Variants in TMEM63A observed in about 807,000 individuals in gnomAD.
TMEM63A encodes the protein mechanosensitive cation channel TMEM63A.
Under a neutral mutation model 100.6 loss-of-function variants are expected in TMEM63A, and 76 were observed. That is an observed-to-expected ratio of 0.76 (90% CI 0.63 to 0.91). The LOEUF (loss-of-function observed/expected upper bound fraction) is 0.91. Among genes scored for constraint, TMEM63A ranks in the 40% least tolerant of loss-of-function variants. The pLI is 0.00. For missense variants in TMEM63A, 876 were observed against 1,008.8 expected (o/e 0.87, Z 1.78); for synonymous variants, 401 against 401.1 (o/e 1.00, Z 0.00).
intron 6 of TMEM63A, among the ~76,000 whole-genome samples, 164 bp from the exon 7 acceptor site, chr1:225,868,194 A>C (rs1481551990): frequency 2.0e-5 from 3 of 152,172 alleles, no homozygotes; most frequent in Non-Finnish European, 4.4e-5. Context: ...AATTTGCATA[A>C]CTTTCAGGAT....
In TMEM63A at chr1:225,848,701, G is replaced by C. The variant is rs1669158646; in HGVS notation, c.2188-147C>G. ...GCAGCCCGAGAGAGGATGGGGTGGG[G>C]GAGTGCAGGGATGAGGGGAGGAAGG... On this transcript the variant is annotated intron_variant, in intron 22 of 24. Coordinates refer to ENST00000366835, the MANE Select transcript of TMEM63A (RefSeq NM_014698.3). The C allele has an allele frequency of 4.3e-6, 4 of 925,280 alleles. No homozygotes were observed. In the Admixed American group the frequency reaches 6.5e-5, roughly 15 times the overall value. 57.3% of individuals were successfully genotyped at this position (925,280 alleles called of 1,614,324 possible).
At chr1:225,869,226 C>A (rs1201174180) in intron 6 of TMEM63A, among the ~76,000 whole-genome samples, 1 of 152,200 alleles carries the variant, frequency 6.6e-6, no homozygotes, top group Non-Finnish European at 1.5e-5. Flanking sequence ...TTAGCAGGGG[C>A]TCAAGAGATA....
downstream of TMEM63A, among the ~76,000 whole-genome samples, chr1:225,841,665 G>A (rs558708324): frequency 5.0e-4 from 70 of 139,866 alleles, no homozygotes; most frequent in Admixed American, 2.3e-3. Context: ...GCAGTGGTAC[G>A]ATCTCGGCTC....
intron 15 of TMEM63A, among the ~76,000 whole-genome samples, chr1:225,858,948 ATGTGTG>A (rs57543496): frequency 0.21 from 29,589 of 139,456 alleles, 2,992 homozygotes; most frequent in South Asian, 0.26. Flanking sequence ...TATACATATA[ATGTGTG>A]TGTGTGTGTG....
At chr1:225,863,581 A>G (rs1421792175) in intron 10 of TMEM63A, among the ~76,000 whole-genome samples, 2 of 151,880 alleles carry the variant, frequency 1.3e-5, no homozygotes, top group African/African-American at 4.8e-5. Context: ...GGTCTAATGA[A>G]AGCAAAGGAC....
intron 15 of TMEM63A, among the ~76,000 whole-genome samples, chr1:225,858,064 G>C (rs1292533782): frequency 6.6e-6 from 1 of 152,184 alleles, no homozygotes; most frequent in Non-Finnish European, 1.5e-5. Context: ...CTGAGGTTCA[G>C]AATTCATCAG....
At chr1:225,875,618 G>A (rs1325578793) in intron 3 of TMEM63A, among the ~76,000 whole-genome samples, 1 of 152,132 alleles carries the variant, frequency 6.6e-6, no homozygotes, top group African/African-American at 2.4e-5. Context: ...GGAAAACCAC[G>A]AAACCTGCTC....
chr1:225,868,690 A>T (rs1263835950), intron 6 of TMEM63A, among the ~76,000 whole-genome samples: 3 of 151,436 alleles, frequency 2.0e-5, no homozygotes, highest in Non-Finnish European at 4.4e-5. Context: ...CCATCTCAAA[A>T]AAGAAAAAAA....
chr1:225,866,421 G>A (rs1670212561), intron 9 of TMEM63A, 153 bp downstream of exon 9: 20 of 637,120 alleles, frequency 3.1e-5, no homozygotes, highest in Non-Finnish European at 4.1e-5. Context: ...TAAAGATGGT[G>A]CCAAGTGTGA....
intron 6 of TMEM63A, among the ~76,000 whole-genome samples, chr1:225,868,951 G>A (rs557274463): frequency 5.8e-4 from 89 of 152,334 alleles, no homozygotes; most frequent in African/African-American, 2.1e-3. Flanking sequence ...AGACTTCTGT[G>A]CTACAGAGGG....
chr1:225,847,161 G>A lies in TMEM63A; in HGVS notation c.2303C>T (p.Ser768Phe). The A allele has an allele frequency of 6.2e-7, 1 of 1,613,190 alleles. No individual in the cohort carries two copies. Among genetic ancestry groups the A allele is most frequent in the South Asian group, 1.1e-5 (1 of 91,090 alleles). Residue 768 changes from serine to phenylalanine, a missense_variant, in exon 24 of 25, where the codon TCT becomes TTT. Around this residue, in one of 5 missense-constraint regions of TMEM63A, gnomAD observed 339 missense variants for 342.3 expected, o/e 0.99. Transcript: ENST00000366835. Reference protein sequence around the residue: ...NGLASERTALSPQQQQQQTYG... With the variant: ...NGLASERTALFPQQQQQQTYG... Reference sequence around the variant, plus strand: ...GGTCTGCTGCTGCTGCTGCTGCGGAGACAGTGCTGTCCTCTCCGAGGCCAA... The same window carrying A: ...GGTCTGCTGCTGCTGCTGCTGCGGAAACAGTGCTGTCCTCTCCGAGGCCAA...
Position 225,847,149 on chromosome 1 carries a change from TG to T in TMEM63A, c.2314del (p.Gln772SerfsTer58). The T allele has an allele frequency of 6.2e-7, 1 of 1,613,564 alleles. No individual in the cohort carries two copies. Among genetic ancestry groups the T allele is most frequent in the Non-Finnish European group, 8.5e-7 (1 of 1,180,026 alleles). The stretch of plus-strand genomic sequence containing the variant: ...GATGGCACCATAGGTCTGCTGCTGC[TG>T]CTGCTGCGGAGACAGTGCTGTCCTC... ...SERTALSPQQ[Q>X]QQQTYGAIHN... On this transcript the variant is annotated frameshift_variant, in exon 24 of 25. Coordinates refer to ENST00000366835, the MANE Select transcript of TMEM63A (RefSeq NM_014698.3). LOFTEE classifies it high-confidence loss of function.
intron 4 of TMEM63A, among the ~76,000 whole-genome samples, chr1:225,872,649 T>A (rs1475411305): frequency 6.6e-6 from 1 of 151,338 alleles, no homozygotes; most frequent in Non-Finnish European, 1.5e-5. Context: ...GCGCTATAAA[T>A]CTGAGGTGTT....
downstream of TMEM63A, chr1:225,845,382 A>C (rs4653695): frequency 0.12 from 161,565 of 1,352,544 alleles, 9,841 homozygotes; most frequent in Admixed American, 0.29. Flanking sequence ...ACCTCCCCCC[A>C]CAAGTGCCCT....
downstream of TMEM63A, among the ~76,000 whole-genome samples, chr1:225,844,136 TAG>T (rs1323275387): frequency 6.6e-6 from 1 of 152,100 alleles, no homozygotes; most frequent in Admixed American, 6.6e-5. Context: ...GTAAGGAGCT[TAG>T]AACATGCTGC....
At chr1:225,858,742 T>C (rs1669775164) in intron 15 of TMEM63A, among the ~76,000 whole-genome samples, 2 of 152,238 alleles carry the variant, frequency 1.3e-5, no homozygotes, top group Non-Finnish European at 1.5e-5. Context: ...CCCCGTAGTG[T>C]CCATGATAGA....
In TMEM63A at chr1:225,874,081, T is replaced by C. The variant is rs1270646626; in HGVS notation, c.266+207A>G. Among the ~76,000 whole-genome samples, 2 of 152,130 alleles carry C rather than the reference T, an allele frequency of 1.3e-5. No individual in the cohort carries two copies. Among genetic ancestry groups the C allele is most frequent in the Non-Finnish European group, 2.9e-5 (2 of 68,014 alleles). On this transcript the variant is annotated intron_variant, in intron 4 of 24. Transcript: ENST00000366835. ...CAGCTATTGGTACAGGCCAGGTAGA[T>C]ACACTTAATGAACACAATCTCATAG...
At position 225,845,762 on chromosome 1, in the gene TMEM63A, A is replaced by G. The variant is rs867192655; in HGVS notation, c.*1177T>C. 1.5e-4 allele frequency: 46 copies of G among 312,560 alleles called. 1 individual carries two copies. In the Middle Eastern group the frequency reaches 3.3e-3, roughly 22 times the overall value. 19.4% of individuals were successfully genotyped at this position (312,560 alleles called of 1,614,324 possible). On this transcript the variant is annotated 3_prime_UTR_variant, in exon 25 of 25. Coordinates refer to ENST00000366835, the MANE Select transcript of TMEM63A (RefSeq NM_014698.3). ...CGCAGGGGCAGCTTGGAGCAGAGGC[A>G]GCACTGGCCACCACTGCGGGGGCAA...
At chr1:225,857,369 T>C (rs1233488449) in intron 15 of TMEM63A, among the ~76,000 whole-genome samples, 1 of 70,734 alleles carries the variant, frequency 1.4e-5, no homozygotes, top group African/African-American at 7.7e-5. Context: ...AGGCCTGGAG[T>C]CCTGGCCGGC....
Sources: gnomAD v4.1 joint callset for allele counts (sites outside exome capture counted in the v4.1 genomes callset) on GRCh38, gnomAD v4.1.1 for gene constraint, gnomAD v4.1.1 regional missense constraint, MANE v1.5 for transcripts, NCBI Gene and HGNC (gene_info 2026-07-23, HGNC 2026-07-21) for gene names.